C1orf54: variants seen among roughly 807,000 people sequenced by gnomAD.
C1orf54 encodes uncharacterized protein C1orf54.
In C1orf54, 12 loss-of-function variants were observed where a neutral mutation model predicts 14.7. The observed-to-expected ratio is 0.82, with a 90% CI of 0.52 to 1.32. The LOEUF (loss-of-function observed/expected upper bound fraction) is 1.32, where lower values mean the gene tolerates loss of function less well. Among genes scored for constraint, C1orf54 ranks in the 40% most tolerant of loss-of-function variants. The probability of loss-of-function intolerance (pLI) is 0.00; values close to 1 mark genes in which losing one functional copy is unlikely to be tolerated. For synonymous variants in C1orf54, 65 were observed against 56.3 expected, an observed-to-expected ratio of 1.16 and a Z score of -0.70; for missense variants, 163 against 162.2, an observed-to-expected ratio of 1.00 and a Z score of -0.03.
At chr1:150,278,339 T>C (rs1652834677) in intron 4 of C1orf54, among the ~76,000 whole-genome samples, 2 of 152,018 alleles carry the variant, frequency 1.3e-5, no homozygotes, top group Admixed American at 6.6e-5. Flanking sequence ...TCTGGGAAAA[T>C]GGTTGACCAA....
chr1:150,277,903 G>A (rs1253945815), intron 4 of C1orf54, among the ~76,000 whole-genome samples: 2 of 152,190 alleles, frequency 1.3e-5, no homozygotes, highest in African/African-American at 2.4e-5. Flanking sequence ...TTCGAGACCA[G>A]CCTGACCAAC....
intron 5 of C1orf54, among the ~76,000 whole-genome samples, 178 bp downstream of exon 5, chr1:150,279,919 T>C (rs1652959276): frequency 6.6e-6 from 1 of 152,124 alleles, no homozygotes; most frequent in Non-Finnish European, 1.5e-5. Context: ...TTTGGGATGG[T>C]GACGTGGGAG....
chr1:150,278,975 T>C (rs992683183), intron 4 of C1orf54, among the ~76,000 whole-genome samples: 9 of 152,194 alleles, frequency 5.9e-5, no homozygotes, highest in Admixed American at 4.6e-4. Flanking sequence ...TTAATTCTTT[T>C]TGAAGTATAC....
rs2298166 is a variant in C1orf54, at chr1:150,276,404, G to A, written c.190-118G>A. On this transcript the variant is annotated intron_variant, in intron 3 of 5. Transcript: ENST00000369099. ...GCATAGGGTAGGGGGGAATCCCTGA[G>A]CTTAAGTCTTTGGGCTGGGTGGAGG... The A allele has an allele frequency of 3.3e-5, 26 of 778,380 alleles. No homozygotes were observed. The East Asian group carries it at 6.6e-4, about 20-fold the overall frequency. 48.2% of individuals were successfully genotyped at this position (778,380 alleles called of 1,614,324 possible).
In C1orf54 at chr1:150,274,098, G is replaced by T; in HGVS notation, c.58G>T (p.Glu20Ter). Residue 20 changes from glutamate (E) to a stop codon, truncating the protein, a stop_gained, in exon 2 of 6, where the codon GAG becomes TAG. Coordinates refer to ENST00000369099, the MANE Select transcript of C1orf54 (RefSeq NM_024579.4). LOFTEE classifies it high-confidence loss of function. The part of the protein sequence containing the change: ...AVPLILGQEY[E>*]DEERLGEDEY... ...CCTTGTCCCCATAGGACAAGAATAT[G>T]AGGATGAAGAAAGACTGGGAGAGGA... 6 of 1,611,456 alleles carry T rather than the reference G, an allele frequency of 3.7e-6. No individual in the cohort carries two copies. Among genetic ancestry groups the T allele is most frequent in the South Asian group, 1.1e-5 (1 of 91,004 alleles).
chr1:150,272,693 C>A (rs1482360465), upstream of C1orf54: 11 of 960,524 alleles, frequency 1.1e-5, no homozygotes, highest in Non-Finnish European at 1.8e-5. Flanking sequence ...AGTTCTGCCC[C>A]CTGGGAGGAG....
intron 1 of C1orf54, 70 bp downstream of exon 1, chr1:150,272,933 T>A: frequency 4.6e-6 from 7 of 1,529,024 alleles, no homozygotes; most frequent in Non-Finnish European, 6.3e-6. Context: ...AGAAAAAAAA[T>A]GAGGAGTGGG....
chr1:150,273,977 G>C (rs1247535249), intron 1 of C1orf54, 110 bp from the exon 2 acceptor site: 2 of 712,388 alleles, frequency 2.8e-6, no homozygotes, highest in Admixed American at 4.3e-5. Flanking sequence ...GAGAGAGAGA[G>C]AAAAGAAAGA....
chr1:150,276,385 G>T (rs782016405), intron 3 of C1orf54, 137 bp from the exon 4 acceptor site: 6 of 675,158 alleles, frequency 8.9e-6, no homozygotes, highest in Admixed American at 2.4e-5. Flanking sequence ...GCAAGCATAG[G>T]GTAGGGGGGA....
upstream of C1orf54, among the ~76,000 whole-genome samples, chr1:150,270,725 A>G (rs1553851111): frequency 1.3e-5 from 2 of 152,036 alleles, no homozygotes; most frequent in Non-Finnish European, 2.9e-5. Context: ...AGCTGGGCGC[A>G]GTGGCTCACG....
chr1:150,272,720 C>G (rs782366145), upstream of C1orf54: 4 of 1,272,846 alleles, frequency 3.1e-6, no homozygotes, highest in Non-Finnish European at 3.4e-6. Context: ...TGCTGCAGCT[C>G]CTTCCCTGCT....
chr1:150,269,048 C>T (rs1572092000), upstream of C1orf54: 4 of 475,236 alleles, frequency 8.4e-6, no homozygotes, highest in South Asian at 8.5e-5. Flanking sequence ...CCCACGGCCA[C>T]CTCCCATCTA....
chr1:150,275,991 T>C (rs1652616252), intron 3 of C1orf54, among the ~76,000 whole-genome samples, 192 bp downstream of exon 3: 1 of 151,834 alleles, frequency 6.6e-6, no homozygotes, highest in African/African-American at 2.4e-5. Context: ...ACAAAAACAT[T>C]AGTTGGACAT....
At chr1:150,274,929 T>C (rs1241580639) in intron 2 of C1orf54, among the ~76,000 whole-genome samples, 3 of 141,502 alleles carry the variant, frequency 2.1e-5, no homozygotes, top group African/African-American at 5.2e-5. Flanking sequence ...AAAAAAAGAC[T>C]CATGATGATG....
intron 1 of C1orf54, among the ~76,000 whole-genome samples, 177 bp from the exon 2 acceptor site, chr1:150,273,910 C>CT (rs1254288716): frequency 1.3e-5 from 2 of 151,986 alleles, no homozygotes; most frequent in Admixed American, 1.3e-4. Context: ...TCCCAGAAGA[C>CT]TGAGAGGGGT....
chr1:150,277,878 A>G (rs1177996986), intron 4 of C1orf54, among the ~76,000 whole-genome samples: 1 of 152,192 alleles, frequency 6.6e-6, no homozygotes, highest in Non-Finnish European at 1.5e-5. Flanking sequence ...TGAGCTGATC[A>G]CCTGAAGTCG....
chr1:150,275,931 G>A (rs924057180), intron 3 of C1orf54, 132 bp downstream of exon 3: 5 of 705,578 alleles, frequency 7.1e-6, no homozygotes, highest in Admixed American at 6.1e-5. Flanking sequence ...GAGGTCAAGA[G>A]TTTGAGACCA....
At position 150,279,688 on chromosome 1, in the gene C1orf54, C is replaced by A; in HGVS notation, c.346C>A (p.Pro116Thr). 6.2e-7 allele frequency: 1 copy of A among 1,613,142 alleles called. No homozygotes were observed. Among genetic ancestry groups the A allele is most frequent in the South Asian group, 1.1e-5 (1 of 90,856 alleles). Residue 116 changes from proline (P) to threonine (T), a missense_variant, in exon 5 of 6, where the codon CCC becomes ACC. By Grantham distance (38) the Pro-to-Thr change is conservative. Transcript: ENST00000369099. ...DAVSSLRSPI[P>T]LLLSCAFVQV... ...CGTGTCCAGTTTGCGAAGTCCTATT[C>A]CCCTCCTCCTGTCGTGTGCCTTTGT...
chr1:150,279,183 T>A (rs963955373), intron 4 of C1orf54, among the ~76,000 whole-genome samples: 2 of 152,142 alleles, frequency 1.3e-5, no homozygotes, highest in Admixed American at 1.3e-4. Flanking sequence ...GCAGGAGAAC[T>A]GTTTGAACCC....
Sources: allele counts gnomAD v4.1 joint callset (sites outside exome capture counted in the v4.1 genomes callset), GRCh38; gene constraint gnomAD v4.1.1; transcripts MANE v1.5; gene names NCBI Gene and HGNC (gene_info 2026-07-23, HGNC 2026-07-21).